Variants in UTRN observed in about 807,000 individuals in gnomAD.
UTRN encodes dystrophin-related protein 1.
UTRN carries 283 observed loss-of-function variants against 463.9 expected under a neutral mutation model. The ratio of observed to expected loss-of-function variants is 0.61; its 90% confidence interval spans 0.55 to 0.67. The LOEUF (loss-of-function observed/expected upper bound fraction) is 0.67, where lower values mean the gene tolerates loss of function less well. Ranked by LOEUF, UTRN falls within the 30% of genes least tolerant of loss-of-function variation. The pLI is 0.00. For synonymous variants in UTRN, 1,442 were observed against 1,431.5 expected (o/e 1.01, Z -0.17); for missense variants, 3,922 against 4,084.3 (o/e 0.96, Z 1.08).
intron 3 of UTRN, among the ~76,000 whole-genome samples, chr6:144,415,742 A>G (rs1784307141): frequency 6.6e-6 from 1 of 152,168 alleles, no homozygotes; most frequent in Non-Finnish European, 1.5e-5. Flanking sequence ...TGCACATTAA[A>G]ATTGGAATTA....
chr6:144,316,273 C>T (rs1345541290), intron 2 of UTRN, among the ~76,000 whole-genome samples: 1 of 152,196 alleles, frequency 6.6e-6, no homozygotes, highest in Non-Finnish European at 1.5e-5. Context: ...ATTGGTGGCT[C>T]TTACTGACCC....
chr6:144,654,437 G>A (rs1779129332), intron 51 of UTRN, among the ~76,000 whole-genome samples: 1 of 152,178 alleles, frequency 6.6e-6, no homozygotes, highest in African/African-American at 2.4e-5. Context: ...ATGCCCTCCT[G>A]GGGAAAGTAC....
In UTRN at chr6:144,797,970, A is replaced by G. The variant is rs1255458277; in HGVS notation, c.9225A>G (p.Glu3075=). ...KHQAKCNICK[E]CPIVGFRYRS... is the part of the protein sequence containing the mutation. Reference sequence around the variant, plus strand: ...AGGCCAAATGCAACATCTGTAAAGAATGTCCAATTGTCGGGTTCAGGTAAG... The same window carrying G: ...AGGCCAAATGCAACATCTGTAAAGAGTGTCCAATTGTCGGGTTCAGGTAAG... The change falls in exon 64 of 75, where the codon GAA becomes GAG. Residue 3075 remains glutamate (E), a synonymous_variant. Transcript: ENST00000367545. 2 of 1,614,148 alleles carry G rather than the reference A, an allele frequency of 1.2e-6. 1 individual carries two copies. The highest frequency in any genetic ancestry group is 2.2e-5 in the South Asian group (2 of 91,074).
chr6:144,562,511 A>G (rs531101431), intron 50 of UTRN, among the ~76,000 whole-genome samples: 19 of 152,276 alleles, frequency 1.2e-4, no homozygotes, highest in Admixed American at 1.0e-3. Flanking sequence ...AGTTCCATCC[A>G]TGTCCCAGCA....
At chr6:144,813,249 C>T (rs1014788020) in intron 65 of UTRN, among the ~76,000 whole-genome samples, 4 of 151,786 alleles carry the variant, frequency 2.6e-5, no homozygotes, top group Admixed American at 6.6e-5. Flanking sequence ...GAAGCAATGG[C>T]GCAATCTTGG....
At chr6:144,537,000 A>T (rs1797596513) in intron 43 of UTRN, among the ~76,000 whole-genome samples, 1 of 151,986 alleles carries the variant, frequency 6.6e-6, no homozygotes, top group Non-Finnish European at 1.5e-5. Context: ...GCTCTATTCA[A>T]ATATAATAGT....
rs1803682406 is a variant in UTRN, at chr6:144,286,604, A to G, written c.-93+783A>G. Reference sequence around the variant, plus strand: ...ATGCCCCGCTTTGGCCCGGGGTCCGAGGCTGTGGTTGCTCAAGGCCACTTA... The same window carrying G: ...ATGCCCCGCTTTGGCCCGGGGTCCGGGGCTGTGGTTGCTCAAGGCCACTTA... On this transcript the variant is annotated intron_variant, in intron 1 of 74. Coordinates refer to ENST00000367545, the MANE Select transcript of UTRN (RefSeq NM_007124.3). The surrounding 1 kb of genome is among the most constrained non-coding windows in gnomAD (Gnocchi z 4.4). 6.6e-6 allele frequency among the ~76,000 whole-genome samples: 1 copy of G among 151,980 alleles called. No individual in the cohort carries two copies. The highest frequency in any genetic ancestry group is 2.1e-4 in the South Asian group (1 of 4,810).
intron 39 of UTRN, among the ~76,000 whole-genome samples, chr6:144,519,678 G>C (rs770871855): frequency 3.9e-5 from 6 of 152,146 alleles, no homozygotes; most frequent in Non-Finnish European, 8.8e-5. Flanking sequence ...TTTAAGTCTT[G>C]AACGGCCTTG....
At chr6:144,377,822 T>A (rs1780594314) in intron 2 of UTRN, among the ~76,000 whole-genome samples, 1 of 152,220 alleles carries the variant, frequency 6.6e-6, no homozygotes. Context: ...ATTTCTTGGT[T>A]CTTCCATCAG....
chr6:144,677,431 C>A (rs553085937), intron 51 of UTRN, among the ~76,000 whole-genome samples: 89 of 152,192 alleles, frequency 5.8e-4, no homozygotes, highest in African/African-American at 2.0e-3. Context: ...CATGTCCCTG[C>A]AAAGGACATG....
At chr6:144,332,663 A>G (rs1028741862) in intron 2 of UTRN, among the ~76,000 whole-genome samples, 1 of 152,154 alleles carries the variant, frequency 6.6e-6, no homozygotes, top group Non-Finnish European at 1.5e-5. Context: ...AAAAATTCAT[A>G]GATTAAAAAA....
intron 50 of UTRN, among the ~76,000 whole-genome samples, chr6:144,574,907 G>A (rs981737599): frequency 6.6e-6 from 1 of 151,872 alleles, no homozygotes; most frequent in African/African-American, 2.4e-5. Context: ...GTTTCTCTTG[G>A]ATAAATATCT....
intron 51 of UTRN, among the ~76,000 whole-genome samples, chr6:144,621,040 G>C (rs1178591301): frequency 2.0e-5 from 3 of 152,140 alleles, no homozygotes; most frequent in African/African-American, 7.2e-5. Context: ...CATGAAGTCA[G>C]ACTGTAACCT....
chr6:144,314,926 G>GTA (rs201898190), intron 2 of UTRN, among the ~76,000 whole-genome samples: 2,923 of 151,822 alleles, frequency 0.019, 104 homozygotes, highest in African/African-American at 0.066. Context: ...AAATACCTAT[G>GTA]TATATATATA....
intron 51 of UTRN, among the ~76,000 whole-genome samples, chr6:144,668,875 A>G (rs1780700613): frequency 6.6e-6 from 1 of 152,232 alleles, no homozygotes; most frequent in African/African-American, 2.4e-5. Context: ...TAGAAGGACA[A>G]TAGAACTATG....
chr6:144,647,474 C>G lies in UTRN; in HGVS notation c.7480-30932C>G, dbSNP rs1395332278. Among the ~76,000 whole-genome samples, 3 of 152,138 alleles carry G rather than the reference C, an allele frequency of 2.0e-5. No individual in the cohort carries two copies. The East Asian group carries it at 5.8e-4, about 29-fold the overall frequency. On this transcript the variant is annotated intron_variant, in intron 51 of 74. Transcript: ENST00000367545. ...GGGACCAAAGGGAGACTTTTAAAGA[C>G]AAAGAGAAGTCTTCATAAACTGTTT...
At chr6:144,711,764 T>C (rs1234904911) in intron 53 of UTRN, among the ~76,000 whole-genome samples, 1 of 152,226 alleles carries the variant, frequency 6.6e-6, no homozygotes, top group Non-Finnish European at 1.5e-5. Flanking sequence ...TATAATTTCT[T>C]GTTTGTGTGT....
chr6:144,309,786 G>A (rs1584233034), intron 2 of UTRN, among the ~76,000 whole-genome samples: 1 of 152,278 alleles, frequency 6.6e-6, no homozygotes, highest in Middle Eastern at 3.4e-3. Context: ...CCCCATTCCA[G>A]TTGTAATAAA....
In UTRN at chr6:144,596,447, C is replaced by T. The variant is rs1267326587; in HGVS notation, c.7479+19159C>T. Among the ~76,000 whole-genome samples, 10 of 152,184 alleles carry T rather than the reference C, an allele frequency of 6.6e-5. No homozygotes were observed. In the South Asian group the frequency reaches 1.7e-3, roughly 25 times the overall value. ...TCCTGATTTTTTCAAGATCAGGAGACAGAAGCTTAAAAGAGTTAATCCTAT... is the reference window on the plus strand; with the variant it reads ...TCCTGATTTTTTCAAGATCAGGAGATAGAAGCTTAAAAGAGTTAATCCTAT... On this transcript the variant is annotated intron_variant, in intron 51 of 74. Coordinates refer to ENST00000367545, the MANE Select transcript of UTRN (RefSeq NM_007124.3).
Sources: gnomAD v4.1 joint callset for allele counts (sites outside exome capture counted in the v4.1 genomes callset) on GRCh38, gnomAD v4.1.1 for gene constraint, Gnocchi (gnomAD v3.1) non-coding constraint, MANE v1.5 for transcripts, NCBI Gene and HGNC (gene_info 2026-07-23, HGNC 2026-07-21) for gene names.